The following CDC42BPA variants were observed in gnomAD, a reference collection of about 807,000 sequenced individuals.
The protein encoded by CDC42BPA is CDC42 binding protein kinase alpha, also known as serine/threonine-protein kinase MRCK alpha.
A neutral mutation model predicts 223.5 loss-of-function variants in CDC42BPA; 80 were observed. The observed-to-expected ratio is 0.36, with a 90% CI of 0.30 to 0.43. The LOEUF is 0.43. Among genes scored for constraint, CDC42BPA ranks in the 20% least tolerant of loss-of-function variants. The pLI is 1.00. For missense variants in CDC42BPA, 1,743 were observed against 2,099.9 expected (o/e 0.83, Z 3.32); for synonymous variants, 694 against 718.6 (o/e 0.97, Z 0.55).
At chr1:227,065,238 G>C (rs961872330) in intron 21 of CDC42BPA, among the ~76,000 whole-genome samples, 2 of 152,072 alleles carry the variant, frequency 1.3e-5, no homozygotes, top group Non-Finnish European at 2.9e-5. Flanking sequence ...CTTAAAAATG[G>C]GAGAGTAACC....
intron 1 of CDC42BPA, among the ~76,000 whole-genome samples, chr1:227,258,301 G>C (rs1174898233): frequency 2.7e-5 from 4 of 149,586 alleles, no homozygotes; most frequent in African/African-American, 7.6e-5. Flanking sequence ...ACAAAACAAA[G>C]GCATCCTTAA....
At chr1:227,027,522 G>A (rs1234303186) in intron 30 of CDC42BPA, among the ~76,000 whole-genome samples, 2 of 152,016 alleles carry the variant, frequency 1.3e-5, no homozygotes, top group African/African-American at 2.4e-5. Flanking sequence ...ACTTTTCCAT[G>A]TAGTTCCCTA....
intron 5 of CDC42BPA, among the ~76,000 whole-genome samples, chr1:227,186,885 C>T (rs1668862387): frequency 6.6e-6 from 1 of 152,164 alleles, no homozygotes; most frequent in African/African-American, 2.4e-5. Context: ...CTTCTCGTTC[C>T]TGGAGTTTGT....
Position 227,028,727 on chromosome 1 carries a change from T to C in CDC42BPA, c.4362A>G (p.Ile1454Met), listed in dbSNP as rs1668715366. ...EYLLCFNSIG[I>M]YTDCQGRRSR... The stretch of plus-strand genomic sequence containing the variant: ...ATCTTCGGCCCTGGCAGTCAGTGTA[T>C]ATCCCAATGCTGTTAAAACACAGCA... The change falls in exon 30 of 37, where the codon ATA becomes ATG. Residue 1454 changes from isoleucine to methionine, a missense_variant. By Grantham distance (10) the Ile-to-Met change is conservative (BLOSUM62 1). This residue lies in a region of CDC42BPA where 678 missense variants were observed against 777.5 expected (regional missense o/e 0.87). Coordinates refer to ENST00000366766, the MANE Select transcript of CDC42BPA (RefSeq NM_001394014.1). The C allele has an allele frequency of 1.9e-6, 3 of 1,613,370 alleles. No homozygotes were observed. The highest frequency in any genetic ancestry group is 2.2e-5 in the East Asian group (1 of 44,870).
chr1:227,010,822 A>T, intron 34 of CDC42BPA: 1 of 1,109,572 alleles, frequency 9.0e-7, no homozygotes, highest in Non-Finnish European at 1.2e-6. Context: ...TAAGCCAGGC[A>T]AAAGGAAATC....
At chr1:227,305,826 C>T (rs1692435712) in intron 1 of CDC42BPA, among the ~76,000 whole-genome samples, 1 of 152,048 alleles carries the variant, frequency 6.6e-6, no homozygotes, top group Admixed American at 6.5e-5. Context: ...ATTGGCCAGG[C>T]ATGGTGGTGG....
intron 9 of CDC42BPA, among the ~76,000 whole-genome samples, chr1:227,141,715 C>T (rs1659704485): frequency 6.6e-6 from 1 of 152,112 alleles, no homozygotes; most frequent in Non-Finnish European, 1.5e-5. Context: ...AGGTTAAGGC[C>T]AGAGGACGGC....
chr1:227,096,815 T>C (rs1044336557), intron 15 of CDC42BPA, among the ~76,000 whole-genome samples: 1 of 152,214 alleles, frequency 6.6e-6, no homozygotes, highest in Non-Finnish European at 1.5e-5. Flanking sequence ...TGACACCAGC[T>C]GGTTTTATTT....
intron 1 of CDC42BPA, among the ~76,000 whole-genome samples, chr1:227,292,921 T>C (rs540705129): frequency 6.6e-6 from 1 of 152,298 alleles, no homozygotes; most frequent in East Asian, 1.9e-4. Flanking sequence ...TAGAGTTAAA[T>C]ACTTCATCTC....
Position 227,142,924 on chromosome 1 carries a change from AT to A in CDC42BPA, c.1223+20del, listed in dbSNP as rs1659967489. On this transcript the variant is annotated intron_variant, in intron 9 of 36. Coordinates refer to ENST00000366766, the MANE Select transcript of CDC42BPA (RefSeq NM_001394014.1). ...TGAGCCACTGCACTTGGCCCAAACT[AT>A]GTTAACTTTTCAAACTTACCAGCTA... The A allele has an allele frequency of 6.6e-7, 1 of 1,524,660 alleles. No homozygotes were observed. The highest frequency in any genetic ancestry group is 1.4e-5 in the African/African-American group (1 of 69,518). The allele number at this position is 1,524,660 out of a possible 1,614,324, so 94.4% of individuals were successfully genotyped here.
rs1402303670 is a variant in CDC42BPA at position 227,263,407 on chromosome 1, TTGTG to T, written c.179-9256_179-9253del. On this transcript the variant is annotated intron_variant, in intron 1 of 36. Transcript: ENST00000366766. ...CAAGGTTCTCTTAAATCTTCGTTAT[TTGTG>T]TGTAACTCCAGAGAAAGTTAATTTA... Among the ~76,000 whole-genome samples the T allele has an allele frequency of 8.5e-5, 13 of 152,318 alleles. No homozygotes were observed. The East Asian group carries it at 2.5e-3, about 29-fold the overall frequency.
rs535837630 is a variant in CDC42BPA, at chr1:227,092,807, T to G, written c.2250-816A>C. Reference sequence around the variant, plus strand: ...CCCCAATTGTAAATATTTTACTGCATTTTCTCTATTATTGTGTATATACCG... The same window carrying G: ...CCCCAATTGTAAATATTTTACTGCAGTTTCTCTATTATTGTGTATATACCG... On this transcript the variant is annotated intron_variant, in intron 15 of 36. Coordinates refer to ENST00000366766, the MANE Select transcript of CDC42BPA (RefSeq NM_001394014.1). 1.1e-4 allele frequency among the ~76,000 whole-genome samples: 16 copies of G among 152,344 alleles called. No homozygotes were observed. The East Asian group carries it at 2.5e-3, about 24-fold the overall frequency.
intron 21 of CDC42BPA, among the ~76,000 whole-genome samples, chr1:227,060,556 A>G (rs1008764870): frequency 6.6e-6 from 1 of 152,108 alleles, no homozygotes; most frequent in Non-Finnish European, 1.5e-5. Context: ...TAGAGGAGGG[A>G]CAGAGAAGAT....
chr1:227,293,134 A>T (rs532775183), intron 1 of CDC42BPA, among the ~76,000 whole-genome samples: 1 of 152,342 alleles, frequency 6.6e-6, no homozygotes, highest in East Asian at 1.9e-4. Context: ...TCAAATAAAT[A>T]TTTATTGAGT....
rs563859694 is a variant in CDC42BPA at position 227,057,889 on chromosome 1, G to C, written c.2905-5904C>G. 1.7e-3 allele frequency among the ~76,000 whole-genome samples: 252 copies of C among 152,208 alleles called. 2 individuals carry two copies. The highest frequency in any genetic ancestry group is 5.2e-3 in the African/African-American group (218 of 41,528). On this transcript the variant is annotated intron_variant, in intron 21 of 36. Transcript: ENST00000366766. ...AGGCCCCAGAAAGTCTGCAAGGCAA[G>C]TGAGACATAATTAATCCATAATAAA...
At chr1:227,043,031 T>C (rs1558358062) in intron 23 of CDC42BPA, among the ~76,000 whole-genome samples, 1 of 152,164 alleles carries the variant, frequency 6.6e-6, no homozygotes, top group Non-Finnish European at 1.5e-5. Context: ...TGTAGATAAT[T>C]AAACTTTTAC....
chr1:227,262,437 C>A (rs991480011), intron 1 of CDC42BPA, among the ~76,000 whole-genome samples: 2 of 151,872 alleles, frequency 1.3e-5, no homozygotes, highest in African/African-American at 4.8e-5. Flanking sequence ...ATCATACACT[C>A]CTCCAAGAAT....
chr1:227,176,993 G>A (rs1160080119), intron 5 of CDC42BPA, among the ~76,000 whole-genome samples: 2 of 150,162 alleles, frequency 1.3e-5, no homozygotes, highest in Admixed American at 1.3e-4. Flanking sequence ...TAACTTTAAA[G>A]GTAAATAATT....
At chr1:227,309,181 C>T (rs1259203728) in intron 1 of CDC42BPA, among the ~76,000 whole-genome samples, 1 of 133,208 alleles carries the variant, frequency 7.5e-6, no homozygotes, top group Non-Finnish European at 1.6e-5. Context: ...GCGTGGACAA[C>T]ATAGTGAGAC....
Sources: gnomAD v4.1 joint callset for allele counts (sites outside exome capture counted in the v4.1 genomes callset) on GRCh38, gnomAD v4.1.1 for gene constraint, gnomAD v4.1.1 regional missense constraint, MANE v1.5 for transcripts, NCBI Gene and HGNC (gene_info 2026-07-23, HGNC 2026-07-21) for gene names.